The following NFILZ variants were observed in gnomAD, a reference collection of about 807,000 sequenced individuals.
The protein encoded by NFILZ is NFIL3 like basic leucine zipper.
At chr19:8,675,979 T>A (rs939689734) in intron 4 of NFILZ, among the ~76,000 whole-genome samples, 1 of 152,152 alleles carries the variant, frequency 6.6e-6, no homozygotes, top group African/African-American at 2.4e-5. Context: ...TTAAAAAAAA[T>A]GAATCTCTCA....
At chr19:8,655,978 C>T (rs2042990303) in intron 3 of NFILZ, among the ~76,000 whole-genome samples, 1 of 151,998 alleles carries the variant, frequency 6.6e-6, no homozygotes, top group Admixed American at 6.6e-5. Flanking sequence ...CCTGTCTCTG[C>T]TGCCCCATCC....
In NFILZ at chr19:8,661,030, TCTCCCTCCCTTCCGTCCCC is replaced by T. The variant is rs1367164504; in HGVS notation, c.-163-13507_-163-13489del. Among the ~76,000 whole-genome samples the T allele has an allele frequency of 7.2e-3, 189 of 26,154 alleles. 6 individuals carry two copies. Among genetic ancestry groups the T allele is most frequent in the South Asian group, 0.013 (5 of 388 alleles). 17.2% of individuals were successfully genotyped at this position (26,154 alleles called of 152,430 possible). On this transcript the variant is annotated intron_variant, in intron 3 of 5. Transcript: ENST00000691075. ...CCCTTCCCTTTCTTTCCTCCCTCCC[TCTCCCTCCCTTCCGTCCCC>T]CTCCCTCCCTTCCTTCCCCCTCCCT...
intron 3 of NFILZ, among the ~76,000 whole-genome samples, chr19:8,663,716 GTGTGTT>G (rs2043043779): frequency 1.4e-5 from 2 of 144,898 alleles, no homozygotes; most frequent in African/African-American, 5.3e-5. Context: ...TGGTGTGTGT[GTGTGTT>G]TGTGTGTGTG....
chr19:8,657,736 T>G, intron 3 of NFILZ, among the ~76,000 whole-genome samples: 1 of 152,306 alleles, frequency 6.6e-6, no homozygotes, highest in East Asian at 1.9e-4. Context: ...GTGAGGCCAG[T>G]GTCTGACTGC....
chr19:8,646,588 G>T (rs1244062545), intron 3 of NFILZ, among the ~76,000 whole-genome samples: 2 of 152,076 alleles, frequency 1.3e-5, no homozygotes, highest in Admixed American at 1.3e-4. Flanking sequence ...GCCTAGAACC[G>T]TCAGTGGCTC....
chr19:8,638,333 G>A (rs1240543230), intron 3 of NFILZ, among the ~76,000 whole-genome samples: 1 of 152,162 alleles, frequency 6.6e-6, no homozygotes, highest in Admixed American at 6.6e-5. Context: ...GTGTGCATTT[G>A]TGGGCGTGCA....
In NFILZ at chr19:8,631,588, T is replaced by C. The variant is rs975856389; in HGVS notation, c.-411+844T>C. On this transcript the variant is annotated intron_variant, in intron 1 of 5. Coordinates refer to ENST00000691075, the MANE Select transcript of NFILZ (RefSeq NM_001378600.1). ...AGTCTTGGCCCCCTCTTCCCCCGAGTCCAGGGTCACAGTGGGAGGCCGCAG... is the reference window on the plus strand; with the variant it reads ...AGTCTTGGCCCCCTCTTCCCCCGAGCCCAGGGTCACAGTGGGAGGCCGCAG... Among the ~76,000 whole-genome samples, 10 of 152,172 alleles carry C rather than the reference T, an allele frequency of 6.6e-5. No individual in the cohort carries two copies. In the East Asian group the frequency reaches 1.7e-3, roughly 26 times the overall value.
intron 3 of NFILZ, among the ~76,000 whole-genome samples, chr19:8,640,316 G>GTTTTGTTT (rs1491470055): frequency 1.6e-5 from 2 of 124,238 alleles, no homozygotes; most frequent in East Asian, 5.0e-4. Flanking sequence ...TCCTGCTGTA[G>GTTTTGTTT]TTTTTTTTTT....
intron 3 of NFILZ, among the ~76,000 whole-genome samples, chr19:8,670,020 A>G (rs1305353215): frequency 6.6e-6 from 1 of 152,120 alleles, no homozygotes; most frequent in African/African-American, 2.4e-5. Flanking sequence ...GAATTCTAGC[A>G]GGGATGGGTC....
At position 8,678,147 on chromosome 19, in the gene NFILZ, G is replaced by GTCCATCCA. The variant is rs1328868486; in HGVS notation, c.*515_*516insATCCATCC. Among the ~76,000 whole-genome samples the GTCCATCCA allele has an allele frequency of 4.3e-3, 42 of 9,666 alleles. 1 individual carries two copies. The highest frequency in any genetic ancestry group is 0.012 in the East Asian group (2 of 164). 6.3% of individuals were successfully genotyped at this position (9,666 alleles called of 152,430 possible). ...CATCCCTCCATCCATTCATCCACTT[G>GTCCATCCA]TCCGTCCATCCATCCATCCATCCAT... is the stretch of plus-strand genomic sequence containing the variant. On this transcript the variant is annotated 3_prime_UTR_variant, in exon 6 of 6. Transcript: ENST00000691075.
chr19:8,650,326 C>T (rs1205324735), intron 3 of NFILZ, among the ~76,000 whole-genome samples: 2 of 151,946 alleles, frequency 1.3e-5, no homozygotes, highest in Non-Finnish European at 2.9e-5. Context: ...CAGCACATTG[C>T]ATGAGTGAGT....
At chr19:8,670,992 C>CA (rs35392454) in intron 3 of NFILZ, among the ~76,000 whole-genome samples, 21,693 of 117,088 alleles carry the variant, frequency 0.19, 2,287 homozygotes, top group Non-Finnish European at 0.25. Context: ...GAGACTGTCT[C>CA]AAAAAAAAAA....
intron 3 of NFILZ, among the ~76,000 whole-genome samples, chr19:8,668,865 T>C (rs995400429): frequency 2.6e-5 from 4 of 152,212 alleles, no homozygotes; most frequent in Non-Finnish European, 5.9e-5. Flanking sequence ...GATACAGTTG[T>C]GTTGGGTGAT....
intron 1 of NFILZ, among the ~76,000 whole-genome samples, chr19:8,631,924 C>T (rs1448428563): frequency 6.6e-6 from 1 of 150,780 alleles, no homozygotes; most frequent in Non-Finnish European, 1.5e-5. Context: ...GGCTGCAATG[C>T]AGTGGCTCGA....
At chr19:8,658,282 G>T (rs188545084) in intron 3 of NFILZ, among the ~76,000 whole-genome samples, 4 of 152,050 alleles carry the variant, frequency 2.6e-5, no homozygotes, top group Non-Finnish European at 4.4e-5. Flanking sequence ...GCTCAGCTGC[G>T]GGCACTTCCC....
Position 8,679,574 on chromosome 19 carries a change from G to A in NFILZ, c.*1939G>A, listed in dbSNP as rs1555751215. The stretch of plus-strand genomic sequence containing the variant: ...CCTCTCTCTCACTAGTACAACAGGT[G>A]GGCAGTATCACCAAACAGGCCAAGA... On this transcript the variant is annotated 3_prime_UTR_variant, in exon 6 of 6. Coordinates refer to ENST00000691075, the MANE Select transcript of NFILZ (RefSeq NM_001378600.1). Among the ~76,000 whole-genome samples the A allele has an allele frequency of 1.3e-5, 2 of 152,068 alleles. No homozygotes were observed. Among genetic ancestry groups the A allele is most frequent in the African/African-American group, 4.8e-5 (2 of 41,412 alleles).
intron 3 of NFILZ, among the ~76,000 whole-genome samples, chr19:8,671,540 T>C (rs1355793577): frequency 6.6e-6 from 1 of 152,078 alleles, no homozygotes; most frequent in African/African-American, 2.4e-5. Context: ...GTCCTTTCTT[T>C]ATGTGACTAC....
At chr19:8,659,561 G>C (rs553383887) in intron 3 of NFILZ, among the ~76,000 whole-genome samples, 2 of 152,254 alleles carry the variant, frequency 1.3e-5, no homozygotes, top group South Asian at 2.1e-4. Flanking sequence ...CCCTGTGAGT[G>C]GGGGAAGAGA....
intron 3 of NFILZ, among the ~76,000 whole-genome samples, chr19:8,661,044 G>T (rs111740355): frequency 0.71 from 35,090 of 49,334 alleles, 11,898 homozygotes; most frequent in South Asian, 0.74. Flanking sequence ...CCTCCCTTCC[G>T]TCCCCCTCCC....
Sources: allele counts gnomAD v4.1 joint callset (sites outside exome capture counted in the v4.1 genomes callset), GRCh38; gene constraint gnomAD v4.1.1; transcripts MANE v1.5; gene names NCBI Gene and HGNC (gene_info 2026-07-23, HGNC 2026-07-21).